Variants in SPMIP4 observed in about 807,000 individuals in gnomAD.
SPMIP4 encodes the protein sperm microtubule inner protein 4, also known as sperm-associated microtubule inner protein 4.
the SPMIP4 span, among the ~76,000 whole-genome samples, chr7:25,141,643 A>T: frequency 1.3e-5 from 2 of 149,456 alleles, no homozygotes; most frequent in South Asian, 4.5e-4. Context: ...ATCACTAGTT[A>T]AATTCTTTTG....
chr7:25,163,842 T>C, the SPMIP4 span, among the ~76,000 whole-genome samples: 1 of 152,214 alleles, frequency 6.6e-6, no homozygotes, highest in Non-Finnish European at 1.5e-5. This position sits in a 1 kb window ranked among gnomAD's most constrained non-coding sequence, Gnocchi z 4.4. Context: ...TCACCGTGCC[T>C]CTGCAAGTAA....
At chr7:25,141,747 CTT>C in the SPMIP4 span, among the ~76,000 whole-genome samples, 3 of 151,306 alleles carry the variant, frequency 2.0e-5, no homozygotes, top group East Asian at 5.8e-4. Flanking sequence ...AAAGAAATCT[CTT>C]TTTTTTGAGA....
At chr7:25,153,089 G>A in the SPMIP4 span, among the ~76,000 whole-genome samples, 2 of 152,142 alleles carry the variant, frequency 1.3e-5, no homozygotes, top group African/African-American at 4.8e-5. Flanking sequence ...AAGTGGAAGA[G>A]TAGAAACCTA....
the SPMIP4 span, chr7:25,126,080 A>C: frequency 3.3e-6 from 1 of 298,876 alleles, no homozygotes; most frequent in South Asian, 1.3e-4. Context: ...TAAGAGGTAC[A>C]TGAGATATTT....
the SPMIP4 span, chr7:25,168,398 C>T: frequency 1.2e-6 from 2 of 1,612,508 alleles, no homozygotes; most frequent in Non-Finnish European, 1.7e-6. Context: ...GGTATTATCC[C>T]ACCATACTCT....
At chr7:25,134,928 C>T in the SPMIP4 span, 1 of 985,282 alleles carries the variant, frequency 1.0e-6, no homozygotes, top group East Asian at 1.1e-4. Context: ...CATAATGTAA[C>T]TAGTGCTGTA....
chr7:25,135,905 A>C, the SPMIP4 span: 1 of 1,513,096 alleles, frequency 6.6e-7, no homozygotes, highest in Non-Finnish European at 8.8e-7. Context: ...CAGCAATACG[A>C]AGGAAATTCT....
chr7:25,157,666 T>G, the SPMIP4 span, among the ~76,000 whole-genome samples: 1 of 152,038 alleles, frequency 6.6e-6, no homozygotes, highest in Non-Finnish European at 1.5e-5. Context: ...ATTGTCAAGG[T>G]CATTAAAACA....
At chr7:25,141,829 C>T in the SPMIP4 span, among the ~76,000 whole-genome samples, 1 of 152,112 alleles carries the variant, frequency 6.6e-6, no homozygotes, top group Non-Finnish European at 1.5e-5. Flanking sequence ...CCTCTGCCTC[C>T]TGGGTTCGAG....
the SPMIP4 span, chr7:25,136,522 G>A: frequency 1.4e-5 from 23 of 1,614,012 alleles, no homozygotes; most frequent in Admixed American, 2.8e-4. This position sits in a 1 kb window ranked among gnomAD's most constrained non-coding sequence, Gnocchi z 5.7. Context: ...GAGTTCATAG[G>A]TAGACAGCAA....
chr7:25,171,717 T>C, the SPMIP4 span, among the ~76,000 whole-genome samples: 1 of 152,224 alleles, frequency 6.6e-6, no homozygotes, highest in South Asian at 2.1e-4. Flanking sequence ...GGGCTGATCC[T>C]GGCAAATTTA....
the SPMIP4 span, among the ~76,000 whole-genome samples, chr7:25,148,036 G>C: frequency 2.0e-5 from 3 of 152,142 alleles, no homozygotes; most frequent in Non-Finnish European, 4.4e-5. Context: ...CACATTTTTG[G>C]ACCTGCTTAT....
At chr7:25,180,281 G>C in the SPMIP4 span, 1 of 152,420 alleles carries the variant, frequency 6.6e-6, no homozygotes, top group African/African-American at 2.4e-5. Context: ...AGCGCTACGG[G>C]ACTGGCAAGA....
the SPMIP4 span, among the ~76,000 whole-genome samples, chr7:25,128,361 A>C: frequency 6.6e-6 from 1 of 152,164 alleles, no homozygotes; most frequent in Non-Finnish European, 1.5e-5. The surrounding 1 kb of genome is among the most constrained non-coding windows in gnomAD (Gnocchi z 4.5). Context: ...GAACCTTAGG[A>C]ATCTACCTGG....
At chr7:25,142,517 T>C in the SPMIP4 span, 6 of 946,258 alleles carry the variant, frequency 6.3e-6, no homozygotes, top group Non-Finnish European at 9.2e-6. Context: ...CTTATTTAAA[T>C]ACTTTAGGAT....
At chr7:25,169,734 C>A in the SPMIP4 span, among the ~76,000 whole-genome samples, 1 of 152,090 alleles carries the variant, frequency 6.6e-6, no homozygotes, top group Non-Finnish European at 1.5e-5. Context: ...ACCACCACGC[C>A]TGGCTAATTT....
the SPMIP4 span, among the ~76,000 whole-genome samples, chr7:25,147,060 C>T: frequency 1.3e-5 from 2 of 152,140 alleles, no homozygotes; most frequent in South Asian, 4.1e-4. Context: ...CTTTGGGAGG[C>T]CGAGGAGGGA....
At chr7:25,152,736 T>C in the SPMIP4 span, among the ~76,000 whole-genome samples, 1 of 138,016 alleles carries the variant, frequency 7.2e-6, no homozygotes, top group South Asian at 2.7e-4. Flanking sequence ...CCTCCCTCCC[T>C]TCGTTGTCTC....
chr7:25,129,566 T>C, the SPMIP4 span, among the ~76,000 whole-genome samples: 2 of 152,202 alleles, frequency 1.3e-5, no homozygotes, highest in Admixed American at 1.3e-4. Flanking sequence ...AGTGCCTCTT[T>C]CCTTAATATG....
Sources: gnomAD v4.1 joint callset for allele counts (sites outside exome capture counted in the v4.1 genomes callset) on GRCh38, gnomAD v4.1.1 for gene constraint, Gnocchi (gnomAD v3.1) non-coding constraint, MANE v1.5 for transcripts, NCBI Gene and HGNC (gene_info 2026-07-23, HGNC 2026-07-21) for gene names.